The following COL15A1 variants were observed in gnomAD, a reference collection of about 807,000 sequenced individuals.
The protein encoded by COL15A1 is collagen alpha-1(XV) chain.
In COL15A1, 111 loss-of-function variants were observed where a neutral mutation model predicts 165.9. The ratio of observed to expected loss-of-function variants is 0.67; its 90% CI spans 0.57 to 0.78. The LOEUF (loss-of-function observed/expected upper bound fraction) is 0.78, where lower values mean the gene tolerates loss of function less well. Among genes scored for constraint, COL15A1 ranks in the 30% least tolerant of loss-of-function variants. The pLI, the probability that COL15A1 is intolerant of heterozygous loss-of-function variation, is 0.00. For synonymous variants in COL15A1, 659 were observed against 674.8 expected (o/e 0.98, Z 0.36); for missense variants, 1,745 against 1,789.7 (o/e 0.98, Z 0.45).
chr9:99,032,366 T>C (rs1038320635), intron 16 of COL15A1, among the ~76,000 whole-genome samples: 1 of 152,096 alleles, frequency 6.6e-6, no homozygotes, highest in Non-Finnish European at 1.5e-5. Flanking sequence ...ACTTATGTAT[T>C]TTTAGTAGAG....
chr9:98,960,968 T>C (rs1837855786), intron 2 of COL15A1, among the ~76,000 whole-genome samples: 1 of 152,212 alleles, frequency 6.6e-6, no homozygotes, highest in Non-Finnish European at 1.5e-5. Flanking sequence ...GAGTTTAGAA[T>C]CATTGACCTT....
At chr9:99,028,263 TATAAA>T (rs1839161408) in intron 16 of COL15A1, among the ~76,000 whole-genome samples, 1 of 152,110 alleles carries the variant, frequency 6.6e-6, no homozygotes, top group Admixed American at 6.5e-5. Flanking sequence ...TAATTATTAT[TATAAA>T]ATATGAGATT....
chr9:98,993,947 A>T (rs1205405487), intron 5 of COL15A1, among the ~76,000 whole-genome samples: 1 of 152,216 alleles, frequency 6.6e-6, no homozygotes, highest in African/African-American at 2.4e-5. Context: ...CTGAGTGGTC[A>T]GGGACTACAA....
chr9:98,959,948 G>GAA (rs1201775479), intron 2 of COL15A1, among the ~76,000 whole-genome samples: 1 of 152,178 alleles, frequency 6.6e-6, no homozygotes, highest in Admixed American at 6.5e-5. Flanking sequence ...TGAACTGCTT[G>GAA]CTGGTCTCTG....
intron 2 of COL15A1, among the ~76,000 whole-genome samples, chr9:98,974,211 C>A (rs957904999): frequency 2.0e-5 from 3 of 152,092 alleles, no homozygotes; most frequent in Admixed American, 6.5e-5. Context: ...GTCAGGTGGC[C>A]GTGAGTGGAG....
Position 99,025,985 on chromosome 9 carries a change from G to A in COL15A1, c.2043+19G>A. On this transcript the variant is annotated intron_variant, in intron 16 of 41. Coordinates refer to ENST00000375001, the MANE Select transcript of COL15A1 (RefSeq NM_001855.5). The stretch of plus-strand genomic sequence containing the variant: ...GGAGAAGGTACGGGGAACACGGGAG[G>A]GTCCCACCACATGGGAGCCACCAGG... 2 of 1,601,324 alleles carry A rather than the reference G, an allele frequency of 1.2e-6. No individual in the cohort carries two copies. Among genetic ancestry groups the A allele is most frequent in the Non-Finnish European group, 1.7e-6 (2 of 1,174,032 alleles).
chr9:99,000,977 AT>A, intron 7 of COL15A1, 26 bp downstream of exon 7: 1 of 1,022,198 alleles, frequency 9.8e-7, no homozygotes, highest in Non-Finnish European at 1.6e-6. Flanking sequence ...ATTTCATTTG[AT>A]TAGTCAGTAG....
At chr9:98,975,156 T>A (rs143960187) in intron 2 of COL15A1, among the ~76,000 whole-genome samples, 289 of 152,362 alleles carry the variant, frequency 1.9e-3, no homozygotes, top group African/African-American at 6.5e-3. Context: ...TCCGGACATA[T>A]CCGCAGCGCT....
intron 3 of COL15A1, 90 bp from the exon 4 acceptor site, chr9:98,987,204 C>A: frequency 1.6e-6 from 2 of 1,253,134 alleles, no homozygotes; most frequent in Admixed American, 1.8e-5. Context: ...TTTACCTGTT[C>A]GTCTCCATTG....
At chr9:98,962,752 G>C (rs1354283747) in intron 2 of COL15A1, among the ~76,000 whole-genome samples, 1 of 152,156 alleles carries the variant, frequency 6.6e-6, no homozygotes. Flanking sequence ...GACATTTTCT[G>C]TCTACAGATA....
At chr9:99,011,895 G>A (rs1358185298) in intron 9 of COL15A1, among the ~76,000 whole-genome samples, 2 of 152,212 alleles carry the variant, frequency 1.3e-5, no homozygotes, top group South Asian at 4.1e-4. Context: ...GTTTATCTAA[G>A]TAGAACCTTA....
intron 2 of COL15A1, among the ~76,000 whole-genome samples, chr9:98,970,219 C>T (rs1456031417): frequency 2.6e-5 from 4 of 152,266 alleles, no homozygotes; most frequent in Non-Finnish European, 5.9e-5. Flanking sequence ...TTACCTATGC[C>T]AGGCTCTGGA....
At chr9:99,054,955 C>G in intron 32 of COL15A1, 147 bp from the exon 33 acceptor site, 1 of 771,274 alleles carries the variant, frequency 1.3e-6, no homozygotes, top group Non-Finnish European at 2.2e-6. Context: ...TAGCTAGCAC[C>G]TGTTTCTGCT....
At chr9:99,005,084 A>G in intron 9 of COL15A1, 34 bp downstream of exon 9, 1 of 1,548,724 alleles carries the variant, frequency 6.5e-7, no homozygotes, top group Non-Finnish European at 8.7e-7. Flanking sequence ...GGTTGAGGTC[A>G]TGGTGGGAGC....
intron 2 of COL15A1, among the ~76,000 whole-genome samples, chr9:98,944,795 A>G (rs375079502): frequency 2.6e-5 from 4 of 152,364 alleles, no homozygotes; most frequent in African/African-American, 9.6e-5. Context: ...CGGTGGTGGA[A>G]AGAGCTGTGG....
chr9:99,023,438 C>T lies in COL15A1; in HGVS notation c.1843C>T (p.Gln615Ter). 2.1e-6 allele frequency: 3 copies of T among 1,408,192 alleles called. No homozygotes were observed. The highest frequency in any genetic ancestry group is 3.0e-6 in the Non-Finnish European group (3 of 993,372). 87.2% of individuals were successfully genotyped at this position (1,408,192 alleles called of 1,614,324 possible). Residue 615 changes from glutamine (Q) to a stop codon, truncating the protein, a stop_gained, in exon 14 of 42, where the codon CAG becomes TAG. Transcript: ENST00000375001. LOFTEE classifies it high-confidence loss of function. ...SGSGDLVGSE[Q>*]LLRGPPGPPG... ...CTCTGGTGACCTGGTGGGCAGTGAG[C>T]AGCTGCTGAGAGTGAGTGTGAAGGA... is the stretch of plus-strand genomic sequence containing the variant.
chr9:99,006,712 T>G (rs759431189), intron 9 of COL15A1, among the ~76,000 whole-genome samples: 12 of 152,180 alleles, frequency 7.9e-5, no homozygotes, highest in Non-Finnish European at 1.6e-4. Flanking sequence ...CTTTCTTTAA[T>G]GTCTAGGCAC....
chr9:98,965,006 C>T (rs1301870321), intron 2 of COL15A1, among the ~76,000 whole-genome samples: 1 of 152,204 alleles, frequency 6.6e-6, no homozygotes, highest in Non-Finnish European at 1.5e-5. Context: ...GTTCCCAGGG[C>T]AGCTTGATTT....
chr9:99,013,904 C>T (rs1201887754), intron 9 of COL15A1, among the ~76,000 whole-genome samples: 5 of 151,684 alleles, frequency 3.3e-5, no homozygotes, highest in South Asian at 2.1e-4. Context: ...AGGTATAGGG[C>T]GGAAGAAAAG....
Sources: allele counts gnomAD v4.1 joint callset (sites outside exome capture counted in the v4.1 genomes callset), GRCh38; gene constraint gnomAD v4.1.1; transcripts MANE v1.5; gene names NCBI Gene and HGNC (gene_info 2026-07-23, HGNC 2026-07-21).